SLC25A21: variants seen among roughly 807,000 people sequenced by gnomAD.
SLC25A21 encodes mitochondrial 2-oxodicarboxylate carrier.
Under a neutral mutation model 43.8 loss-of-function variants are expected in SLC25A21, and 47 were observed. The ratio of observed to expected loss-of-function variants is 1.07; its 90% CI spans 0.85 to 1.37. SLC25A21 has a LOEUF of 1.37. Among genes scored for constraint, SLC25A21 ranks in the 40% most tolerant of loss-of-function variants. The pLI is 0.00. For synonymous variants in SLC25A21, 131 were observed against 121.3 expected, an observed-to-expected ratio of 1.08 and a Z score of -0.52; for missense variants, 352 against 350.2, an observed-to-expected ratio of 1.00 and a Z score of -0.04.
At chr14:36,980,727 G>A (rs1805679044) in intron 1 of SLC25A21, among the ~76,000 whole-genome samples, 1 of 152,194 alleles carries the variant, frequency 6.6e-6, no homozygotes, top group African/African-American at 2.4e-5. Flanking sequence ...TGGAGGAGAA[G>A]AGGCGCTCTG....
At chr14:36,996,617 T>G (rs1455634131) in intron 1 of SLC25A21, among the ~76,000 whole-genome samples, 1 of 152,134 alleles carries the variant, frequency 6.6e-6, no homozygotes, top group African/African-American at 2.4e-5. Flanking sequence ...CCTAAAGTTT[T>G]CTGCTGGTAT....
chr14:36,802,156 T>A (rs1226139653), intron 3 of SLC25A21, among the ~76,000 whole-genome samples: 1 of 152,210 alleles, frequency 6.6e-6, no homozygotes, highest in Non-Finnish European at 1.5e-5. Flanking sequence ...ACCATGGGTG[T>A]CGTAAATTTT....
intron 1 of SLC25A21, among the ~76,000 whole-genome samples, chr14:36,897,372 G>A (rs1227518928): frequency 2.0e-5 from 3 of 152,014 alleles, no homozygotes; most frequent in Non-Finnish European, 4.4e-5. Context: ...CTTGTGCCTT[G>A]GTTTTCAGCT....
At chr14:36,994,514 C>A (rs1172678624) in intron 1 of SLC25A21, among the ~76,000 whole-genome samples, 1 of 152,186 alleles carries the variant, frequency 6.6e-6, no homozygotes. Context: ...CTTCTGTCTG[C>A]AGTTGGACCC....
At chr14:36,997,290 C>T (rs927183112) in intron 1 of SLC25A21, among the ~76,000 whole-genome samples, 3 of 152,016 alleles carry the variant, frequency 2.0e-5, no homozygotes, top group South Asian at 2.1e-4. Flanking sequence ...TCTATGCTCC[C>T]GCGGAGCTAT....
intron 1 of SLC25A21, among the ~76,000 whole-genome samples, chr14:36,979,631 C>T (rs1180803566): frequency 6.6e-6 from 1 of 152,204 alleles, no homozygotes; most frequent in Non-Finnish European, 1.5e-5. Flanking sequence ...GCAGGTATTA[C>T]AGGCGCAAGC....
chr14:36,830,609 T>C (rs1258187079), intron 2 of SLC25A21, among the ~76,000 whole-genome samples: 2 of 152,192 alleles, frequency 1.3e-5, no homozygotes, highest in African/African-American at 4.8e-5. Context: ...GAAGAAAATA[T>C]CTATTTTCAC....
At chr14:36,874,733 A>G (rs376202420) in intron 2 of SLC25A21, among the ~76,000 whole-genome samples, 484 of 152,358 alleles carry the variant, frequency 3.2e-3, no homozygotes, top group African/African-American at 0.011. Flanking sequence ...CGGTTGTCAT[A>G]TAAAGGCAGT....
chr14:36,762,642 T>A (rs553966265), intron 3 of SLC25A21, among the ~76,000 whole-genome samples: 1 of 152,366 alleles, frequency 6.6e-6, no homozygotes, highest in South Asian at 2.1e-4. Flanking sequence ...TGGAACTGAA[T>A]CCTAGTTCAA....
intron 1 of SLC25A21, among the ~76,000 whole-genome samples, chr14:37,062,583 C>T (rs1961972001): frequency 6.6e-6 from 1 of 152,080 alleles, no homozygotes. Context: ...GTTTGCACTC[C>T]AGGTCAACAA....
At chr14:37,074,322 TTGAC>T (rs201189001) in intron 1 of SLC25A21, among the ~76,000 whole-genome samples, 1,874 of 152,290 alleles carry the variant, frequency 0.012, 29 homozygotes, top group African/African-American at 0.042. Context: ...TATACCACTA[TTGAC>T]TGAAAATGGG....
At chr14:37,125,171 T>G (rs1179645493) in intron 1 of SLC25A21, among the ~76,000 whole-genome samples, 1 of 152,158 alleles carries the variant, frequency 6.6e-6, no homozygotes, top group East Asian at 1.9e-4. Context: ...AAATTACAAC[T>G]CAGAGTGTCG....
intron 2 of SLC25A21, among the ~76,000 whole-genome samples, chr14:36,851,719 TTTTG>T (rs1489638914): frequency 2.0e-5 from 3 of 152,200 alleles, no homozygotes; most frequent in Non-Finnish European, 4.4e-5. Context: ...TCTCCTGTTT[TTTTG>T]TTTGTCTGTT....
chr14:37,074,798 A>C (rs1353307213), intron 1 of SLC25A21, among the ~76,000 whole-genome samples: 1 of 152,098 alleles, frequency 6.6e-6, no homozygotes, highest in East Asian at 1.9e-4. Flanking sequence ...CTCCAGCCTG[A>C]GTGACAGAGT....
At chr14:36,896,470 C>G (rs1191001306) in intron 1 of SLC25A21, among the ~76,000 whole-genome samples, 1 of 152,164 alleles carries the variant, frequency 6.6e-6, no homozygotes, top group Non-Finnish European at 1.5e-5. Flanking sequence ...ATACAGCATA[C>G]TGATGGGTCT....
At chr14:37,029,827 T>C (rs1961172051) in intron 1 of SLC25A21, among the ~76,000 whole-genome samples, 2 of 147,004 alleles carry the variant, frequency 1.4e-5, no homozygotes, top group African/African-American at 2.6e-5. Flanking sequence ...TGCAATGGCA[T>C]GACCTCGGCT....
intron 1 of SLC25A21, among the ~76,000 whole-genome samples, chr14:36,883,188 C>T (rs1397096597): frequency 6.6e-6 from 1 of 152,106 alleles, no homozygotes; most frequent in Non-Finnish European, 1.5e-5. Context: ...TACCTGTAAC[C>T]CCAGCTTCAT....
intron 4 of SLC25A21, among the ~76,000 whole-genome samples, chr14:36,733,062 T>C (rs1884893804): frequency 6.6e-6 from 1 of 152,228 alleles, no homozygotes; most frequent in Admixed American, 6.5e-5. Context: ...AAAGATTGCT[T>C]AATGTTGATA....
chr14:36,928,661 T>C lies in SLC25A21; in HGVS notation c.71-53657A>G, dbSNP rs560577466. Reference sequence around the variant, plus strand: ...TTGTGATTTTTATTTGGCATCCTACTGTGGAACCCAGTAGAGATTGCCGAA... The same window carrying C: ...TTGTGATTTTTATTTGGCATCCTACCGTGGAACCCAGTAGAGATTGCCGAA... On this transcript the variant is annotated intron_variant, in intron 1 of 9. Coordinates refer to ENST00000331299, the MANE Select transcript of SLC25A21 (RefSeq NM_030631.4). Among the ~76,000 whole-genome samples the C allele has an allele frequency of 2.6e-5, 4 of 152,312 alleles. No homozygotes were observed. The East Asian group carries it at 7.7e-4, about 29-fold the overall frequency.
Sources: gnomAD v4.1 joint callset for allele counts (sites outside exome capture counted in the v4.1 genomes callset) on GRCh38, gnomAD v4.1.1 for gene constraint, MANE v1.5 for transcripts, NCBI Gene and HGNC (gene_info 2026-07-23, HGNC 2026-07-21) for gene names.